The following TLDC2 variants were observed in gnomAD, a reference collection of about 807,000 sequenced individuals.
TLDC2 encodes TLD domain-containing protein 2.
Under a neutral mutation model 27.9 loss-of-function variants are expected in TLDC2, and 23 were observed. That is an observed-to-expected ratio of 0.82 (90% CI 0.59 to 1.17). TLDC2 has a LOEUF of 1.17. Ranked by LOEUF, TLDC2 falls within the 50% of genes most tolerant of loss-of-function variation. TLDC2 has a pLI of 0.00. For missense variants in TLDC2, 286 were observed against 273.4 expected, an observed-to-expected ratio of 1.05 and a Z score of -0.32; for synonymous variants, 124 against 107.4, an observed-to-expected ratio of 1.16 and a Z score of -0.96.
chr20:36,889,344 G>A lies in TLDC2; in HGVS notation c.606G>A (p.Glu202=). Residue 202 remains glutamate, a synonymous_variant, in exon 6 of 7, where the codon GAG becomes GAA. Coordinates refer to ENST00000217320, the MANE Select transcript of TLDC2 (RefSeq NM_080628.3). ...ACAACGAGGTGCTGGCCCGGCAGGAGCAGTTCTGCATCCAGGAGCTGGAGG... is the reference window on the plus strand; with the variant it reads ...ACAACGAGGTGCTGGCCCGGCAGGAACAGTTCTGCATCCAGGAGCTGGAGG... The part of the protein sequence containing the change: ...TFNNEVLARQ[E]QFCIQELEAW... The A allele has an allele frequency of 6.2e-7, 1 of 1,614,214 alleles. No homozygotes were observed.
intron 6 of TLDC2, chr20:36,892,338 A>G (rs1364057455): frequency 1.7e-5 from 3 of 179,312 alleles, no homozygotes; most frequent in Non-Finnish European, 3.5e-5. Flanking sequence ...CTCTTAGAGG[A>G]CTATCCTCAA....
chr20:36,882,555 A>T (rs76666746), intron 4 of TLDC2, among the ~76,000 whole-genome samples: 2,339 of 152,236 alleles, frequency 0.015, 20 homozygotes, highest in Middle Eastern at 0.027. Flanking sequence ...TAAATTGTTC[A>T]GTGGATGAAG....
At chr20:36,883,938 A>G (rs1989867033) in intron 4 of TLDC2, among the ~76,000 whole-genome samples, 1 of 152,188 alleles carries the variant, frequency 6.6e-6, no homozygotes, top group Non-Finnish European at 1.5e-5. Context: ...TACTAAAAAT[A>G]CAAAAATTAG....
At chr20:36,885,049 G>A (rs1400703364) in intron 4 of TLDC2, among the ~76,000 whole-genome samples, 1 of 151,808 alleles carries the variant, frequency 6.6e-6, no homozygotes, top group Non-Finnish European at 1.5e-5. Flanking sequence ...GCTAATTTTT[G>A]TATTTTTAGT....
At position 36,894,127 on chromosome 20, in the gene TLDC2, C is replaced by T; in HGVS notation, c.*1283C>T. ...TGCTGTTGAATCACTGTCCTCTATG[C>T]TCATTTAGCTCTGCCAAAACTTTTG... On this transcript the variant is annotated 3_prime_UTR_variant, in exon 7 of 7. Coordinates refer to ENST00000217320, the MANE Select transcript of TLDC2 (RefSeq NM_080628.3). 2.5e-6 allele frequency: 1 copy of T among 395,318 alleles called. No homozygotes were observed. Among genetic ancestry groups the T allele is most frequent in the Non-Finnish European group, 4.5e-6 (1 of 224,712 alleles). 24.5% of individuals were successfully genotyped at this position (395,318 alleles called of 1,614,324 possible).
rs1990149976 is a variant in TLDC2, at chr20:36,894,164, C to T, written c.*1320C>T. 1 of 388,722 alleles carries T rather than the reference C, an allele frequency of 2.6e-6. No homozygotes were observed. The highest frequency in any genetic ancestry group is 3.7e-5 in the East Asian group (1 of 27,128). The allele number at this position is 388,722 out of a possible 1,614,324, so 24.1% of individuals were successfully genotyped here. On this transcript the variant is annotated 3_prime_UTR_variant, in exon 7 of 7. Transcript: ENST00000217320. ...TGCCAAAACTTTTGTATCTCACCCC[C>T]ATGTTAAATTTTTTCTGTTGAACTA...
At chr20:36,879,271 C>G in intron 3 of TLDC2, 78 bp downstream of exon 3, 1 of 1,497,814 alleles carries the variant, frequency 6.7e-7, no homozygotes. Context: ...CAGGGCAGCT[C>G]AGGGACAAGC....
chr20:36,890,229 T>C (rs1272267161), intron 6 of TLDC2: 1 of 152,168 alleles, frequency 6.6e-6, no homozygotes, highest in Non-Finnish European at 1.5e-5. Context: ...GATGGAGATA[T>C]ATATTCACGA....
chr20:36,878,132 C>T, intron 2 of TLDC2, 78 bp downstream of exon 2: 1 of 1,461,378 alleles, frequency 6.8e-7, no homozygotes, highest in Admixed American at 2.3e-5. Flanking sequence ...ACCAGCCACG[C>T]CCAGGGGCAC....
chr20:36,881,509 G>T (rs1224793913), intron 4 of TLDC2, among the ~76,000 whole-genome samples: 4 of 152,212 alleles, frequency 2.6e-5, no homozygotes, highest in Admixed American at 6.5e-5. Flanking sequence ...CAGAAGCGCC[G>T]CTGGGCCGTG....
At chr20:36,892,570 C>G in intron 6 of TLDC2, 1 of 296,238 alleles carries the variant, frequency 3.4e-6, no homozygotes. Flanking sequence ...GCAGGAGGGT[C>G]GCTTGAGCCC....
chr20:36,880,681 T>G lies in TLDC2; in HGVS notation c.369T>G (p.Ala123=). 6 of 1,614,244 alleles carry G rather than the reference T, an allele frequency of 3.7e-6. No homozygotes were observed. Among genetic ancestry groups the G allele is most frequent in the Non-Finnish European group, 4.2e-6 (5 of 1,180,044 alleles). Residue 123 remains alanine, a synonymous_variant, in exon 4 of 7, where the codon GCT becomes GCG. Coordinates refer to ENST00000217320, the MANE Select transcript of TLDC2 (RefSeq NM_080628.3). ...GQIFGAFSSS[A]IRLSKGFYGT... ...TATTTGGAGCCTTCTCCTCCTCGGC[T>G]ATCCGACTCAGCAAAGGCTTCTATG...
rs557124809 is a variant in TLDC2 at position 36,882,558 on chromosome 20, G to A, written c.438+1808G>A. Among the ~76,000 whole-genome samples, 3 of 152,226 alleles carry A rather than the reference G, an allele frequency of 2.0e-5. No homozygotes were observed. In the East Asian group the frequency reaches 5.8e-4, roughly 29 times the overall value. The stretch of plus-strand genomic sequence containing the variant: ...AAAATTTTTTTTTAAATTGTTCAGT[G>A]GATGAAGTCGTTCCAGGTATTCTGC... On this transcript the variant is annotated intron_variant, in intron 4 of 6. Transcript: ENST00000217320.
chr20:36,888,295 G>C (rs930411625), intron 5 of TLDC2, among the ~76,000 whole-genome samples: 37 of 151,674 alleles, frequency 2.4e-4, no homozygotes, highest in African/African-American at 8.5e-4. Context: ...GCAGTGGTGT[G>C]ATCTCAGCTC....
chr20:36,885,823 C>T lies in TLDC2; in HGVS notation c.439-1632C>T, dbSNP rs151159066. 4.7e-3 allele frequency among the ~76,000 whole-genome samples: 721 copies of T among 152,158 alleles called. 12 individuals are homozygous for T. Among genetic ancestry groups the T allele is most frequent in the East Asian group, 0.028 (143 of 5,184 alleles). On this transcript the variant is annotated intron_variant, in intron 4 of 6. Coordinates refer to ENST00000217320, the MANE Select transcript of TLDC2 (RefSeq NM_080628.3). ...ACAGCCAGGAAGAAGACAGGCCACA[C>T]GGAACTTAACGTCCTTAATATAAAT...
chr20:36,881,379 CA>C (rs11295785), intron 4 of TLDC2, among the ~76,000 whole-genome samples: 3,407 of 118,514 alleles, frequency 0.029, 41 homozygotes, highest in Middle Eastern at 0.055. Flanking sequence ...GACCCTGTCT[CA>C]AAAAAAAAAA....
chr20:36,892,802 T>C, intron 6 of TLDC2, 60 bp from the exon 7 acceptor site: 1 of 1,182,000 alleles, frequency 8.5e-7, no homozygotes, highest in South Asian at 1.2e-5. Context: ...GTTACTTAGC[T>C]TCAGCATGCG....
At chr20:36,887,557 G>A in intron 5 of TLDC2, 29 bp downstream of exon 5, 1 of 1,605,752 alleles carries the variant, frequency 6.2e-7, no homozygotes, top group Non-Finnish European at 8.5e-7. Flanking sequence ...CCGAGTCTTG[G>A]GGCGGTCTGT....
chr20:36,882,748 AT>A (rs1989842596), intron 4 of TLDC2, among the ~76,000 whole-genome samples: 1 of 152,180 alleles, frequency 6.6e-6, no homozygotes, highest in Non-Finnish European at 1.5e-5. Flanking sequence ...GAGGGGCTCC[AT>A]CGAGCTTCCC....
Sources: allele counts gnomAD v4.1 joint callset (sites outside exome capture counted in the v4.1 genomes callset), GRCh38; gene constraint gnomAD v4.1.1; transcripts MANE v1.5; gene names NCBI Gene and HGNC (gene_info 2026-07-23, HGNC 2026-07-21).